The following DOCK9 variants were observed in gnomAD, a reference collection of about 807,000 sequenced individuals.
The protein encoded by DOCK9 is dedicator of cytokinesis protein 9.
Under a neutral mutation model 263.3 loss-of-function variants are expected in DOCK9, and 89 were observed. The observed-to-expected ratio is 0.34, with a 90% CI of 0.28 to 0.40. The LOEUF is 0.40. Among genes scored for constraint, DOCK9 ranks in the 10% least tolerant of loss-of-function variants. The pLI, the probability that DOCK9 is intolerant of heterozygous loss-of-function variation, is 1.00. For synonymous variants in DOCK9, 976 were observed against 973.1 expected (o/e 1.00, Z -0.06); for missense variants, 2,140 against 2,603.4 (o/e 0.82, Z 3.87).
chr13:99,025,674 G>T (rs1034126828), intron 1 of DOCK9, among the ~76,000 whole-genome samples: 2 of 152,200 alleles, frequency 1.3e-5, no homozygotes, highest in Admixed American at 1.3e-4. Flanking sequence ...CCAGGTTACC[G>T]TATGATCCAG....
chr13:99,053,081 A>AGCCC (rs1180957979), intron 1 of DOCK9, among the ~76,000 whole-genome samples: 4 of 152,118 alleles, frequency 2.6e-5, no homozygotes, highest in South Asian at 2.1e-4. Flanking sequence ...TGTCTCCAGG[A>AGCCC]GCCCAGTTCC....
intron 39 of DOCK9, among the ~76,000 whole-genome samples, chr13:98,833,747 C>T (rs1250262490): frequency 6.6e-6 from 1 of 152,212 alleles, no homozygotes; most frequent in Non-Finnish European, 1.5e-5. Context: ...CAGACACACC[C>T]CGGTTTCCTA....
chr13:98,906,775 C>A (rs2049174882), intron 9 of DOCK9, among the ~76,000 whole-genome samples: 1 of 152,144 alleles, frequency 6.6e-6, no homozygotes, highest in Non-Finnish European at 1.5e-5. Flanking sequence ...GATCAGCTGT[C>A]TATGTTTATA....
chr13:99,015,046 A>C (rs1885170182), intron 1 of DOCK9, among the ~76,000 whole-genome samples: 1 of 152,100 alleles, frequency 6.6e-6, no homozygotes, highest in Admixed American at 6.5e-5. Context: ...TTAGTAAGAA[A>C]AACCTGGCCA....
At chr13:98,845,306 A>T (rs750541877) in intron 38 of DOCK9, 1 of 1,356,072 alleles carries the variant, frequency 7.4e-7, no homozygotes, top group South Asian at 1.2e-5. Flanking sequence ...CATAAAGCAG[A>T]CTTCAACCTG....
chr13:98,969,563 G>T (rs1172314542), intron 1 of DOCK9, among the ~76,000 whole-genome samples: 3 of 152,206 alleles, frequency 2.0e-5, no homozygotes, highest in African/African-American at 7.2e-5. Context: ...TAGTGAGGGA[G>T]ACTGGAGTAT....
At chr13:98,997,210 G>A (rs138727085) in intron 1 of DOCK9, among the ~76,000 whole-genome samples, 2,018 of 152,362 alleles carry the variant, frequency 0.013, 33 homozygotes, top group South Asian at 0.055. Flanking sequence ...AGGCCCACAC[G>A]TCTCAGGAAC....
chr13:98,871,563 C>G (rs1489448191), intron 27 of DOCK9, among the ~76,000 whole-genome samples: 2 of 152,174 alleles, frequency 1.3e-5, no homozygotes, highest in Non-Finnish European at 2.9e-5. Context: ...AAGACCTAAG[C>G]AATAGAATGT....
intron 1 of DOCK9, among the ~76,000 whole-genome samples, chr13:98,960,579 G>C (rs1320422787): frequency 6.6e-6 from 1 of 152,202 alleles, no homozygotes; most frequent in Admixed American, 6.5e-5. Flanking sequence ...CGGTGGTTCT[G>C]AAAGTGATTT....
intron 30 of DOCK9, among the ~76,000 whole-genome samples, chr13:98,866,395 G>A (rs773923514): frequency 1.3e-5 from 2 of 152,186 alleles, no homozygotes; most frequent in Non-Finnish European, 2.9e-5. Context: ...GGCAGTACCA[G>A]TCTGTTTGGG....
At chr13:99,081,297 C>T (rs891567275) in intron 1 of DOCK9, among the ~76,000 whole-genome samples, 1 of 152,312 alleles carries the variant, frequency 6.6e-6, no homozygotes, top group Admixed American at 6.5e-5. Context: ...GCTGAATAAA[C>T]GGGGCAGTGA....
intron 9 of DOCK9, among the ~76,000 whole-genome samples, chr13:98,908,050 G>A (rs1278789230): frequency 1.3e-5 from 2 of 152,104 alleles, no homozygotes; most frequent in African/African-American, 4.8e-5. Context: ...ATGAAATAGA[G>A]GCCTGGCTTC....
intron 1 of DOCK9, among the ~76,000 whole-genome samples, chr13:99,081,469 C>T (rs986459802): frequency 3.9e-5 from 6 of 152,130 alleles, no homozygotes; most frequent in Non-Finnish European, 7.3e-5. Context: ...TGCTTGACAT[C>T]GAAGAAGAGT....
intron 1 of DOCK9, among the ~76,000 whole-genome samples, chr13:99,067,689 T>C (rs973002256): frequency 3.3e-5 from 5 of 152,238 alleles, no homozygotes; most frequent in South Asian, 2.1e-4. Flanking sequence ...GCCAAGACCA[T>C]AAAGGAGTAA....
At chr13:99,012,639 G>A (rs1035728279) in intron 1 of DOCK9, among the ~76,000 whole-genome samples, 12 of 152,152 alleles carry the variant, frequency 7.9e-5, no homozygotes, top group Non-Finnish European at 1.5e-4. Flanking sequence ...TTGCATGGGG[G>A]TGACCCAAGG....
chr13:98,923,181 G>A (rs1210641298), intron 5 of DOCK9, 121 bp downstream of exon 5: 1 of 880,714 alleles, frequency 1.1e-6, no homozygotes. Flanking sequence ...CCCGTTTCAT[G>A]TAACACTCCA....
intron 1 of DOCK9, among the ~76,000 whole-genome samples, chr13:99,002,469 C>A (rs941650060): frequency 6.6e-6 from 1 of 152,218 alleles, no homozygotes; most frequent in African/African-American, 2.4e-5. Context: ...CACATTCTAA[C>A]CTCCTAGGCA....
chr13:98,978,881 C>G (rs1381367800), upstream of DOCK9, among the ~76,000 whole-genome samples: 4 of 152,062 alleles, frequency 2.6e-5, no homozygotes, highest in African/African-American at 9.7e-5. Context: ...TAGTAGCACC[C>G]AAAATATGTG....
At chr13:98,871,434 T>C (rs1305259901) in intron 27 of DOCK9, among the ~76,000 whole-genome samples, 37 of 152,280 alleles carry the variant, frequency 2.4e-4, no homozygotes, top group Admixed American at 2.4e-3. Context: ...AACTCATGCC[T>C]GTGAAGGCTG....
Sources: gnomAD v4.1 joint callset for allele counts (sites outside exome capture counted in the v4.1 genomes callset) on GRCh38, gnomAD v4.1.1 for gene constraint, MANE v1.5 for transcripts, NCBI Gene and HGNC (gene_info 2026-07-23, HGNC 2026-07-21) for gene names.